Variants in PSEN2 observed in about 807,000 individuals in gnomAD.
The protein encoded by PSEN2 is presenilin-2.
Under a neutral mutation model 49.1 loss-of-function variants are expected in PSEN2, and 32 were observed. The observed-to-expected ratio is 0.65, with a 90% CI of 0.49 to 0.88. The LOEUF (loss-of-function observed/expected upper bound fraction) is 0.88, where lower values mean the gene tolerates loss of function less well. PSEN2 is among the 40% of genes least tolerant of loss of function. PSEN2 has a pLI of 0.00. For missense variants in PSEN2, 522 were observed against 586.9 expected (o/e 0.89, Z 1.14); for synonymous variants, 255 against 244.0 (o/e 1.05, Z -0.42).
Position 226,888,946 on chromosome 1 carries a change from G to A in PSEN2, c.684G>A (p.Gln228=). ...CIHWKGPLVL[Q]QAYLIMISAL... ...ACTGGAAGGGCCCTCTGGTGCTGCA[G>A]CAGGCCTACCTCATCATGATCAGTG... is the stretch of plus-strand genomic sequence containing the variant. The change falls in exon 8 of 13, where the codon CAG becomes CAA. Residue 228 remains glutamine, a synonymous_variant. Transcript: ENST00000366783. The A allele has an allele frequency of 6.2e-7, 1 of 1,614,234 alleles. No homozygotes were observed. The highest frequency in any genetic ancestry group is 8.5e-7 in the Non-Finnish European group (1 of 1,180,046).
At chr1:226,880,556 A>ACTCAGCCTCTGGACAGCGATCG in intron 3 of PSEN2, 2 of 1,577,026 alleles carry the variant, frequency 1.3e-6, no homozygotes, top group Non-Finnish European at 1.7e-6. Context: ...GACAGCGATC[A>ACTCAGCCTCTGGACAGCGATCG]CTCAGCCTCT....
intron 6 of PSEN2, among the ~76,000 whole-genome samples, chr1:226,887,811 C>T (rs1661461200): frequency 1.3e-5 from 2 of 152,254 alleles, no homozygotes; most frequent in South Asian, 4.1e-4. Context: ...CCCAGCATTA[C>T]CTTTCTAAGT....
intron 6 of PSEN2, among the ~76,000 whole-genome samples, chr1:226,886,081 C>T (rs1025314296): frequency 8.8e-5 from 13 of 147,544 alleles, no homozygotes; most frequent in African/African-American, 2.9e-4. Flanking sequence ...GTTGCCCAGG[C>T]TGGTCTCAAA....
intron 3 of PSEN2, among the ~76,000 whole-genome samples, chr1:226,878,935 G>T (rs1660803552): frequency 1.3e-5 from 2 of 152,216 alleles, no homozygotes; most frequent in Admixed American, 6.5e-5. Context: ...AGAGTGGATA[G>T]TGAGGGAAAC....
intron 8 of PSEN2, 118 bp downstream of exon 8, chr1:226,889,167 T>C (rs960963462): frequency 7.6e-6 from 7 of 926,758 alleles, no homozygotes; most frequent in Non-Finnish European, 1.2e-5. Context: ...TGCAGAGGCC[T>C]GGGTGGGATC....
At chr1:226,891,892 G>A (rs372224790) in intron 11 of PSEN2, 48 bp downstream of exon 11, 7 of 1,544,352 alleles carry the variant, frequency 4.5e-6, no homozygotes, top group African/African-American at 2.7e-5. Context: ...CGGCGGGAGC[G>A]GAGACAGAGG....
At chr1:226,901,234 G>T (rs959403945), downstream of PSEN2, among the ~76,000 whole-genome samples, 1 of 152,076 alleles carries the variant, frequency 6.6e-6, no homozygotes, top group Non-Finnish European at 1.5e-5. Context: ...TCAGGAGTTC[G>T]AGACCAGCCT....
intron 12 of PSEN2, among the ~76,000 whole-genome samples, chr1:226,894,743 C>T (rs1662012667): frequency 1.3e-5 from 2 of 152,196 alleles, no homozygotes; most frequent in African/African-American, 4.8e-5. Context: ...GTGCGCTTGG[C>T]ATCTGCCCCT....
intron 2 of PSEN2, among the ~76,000 whole-genome samples, chr1:226,873,376 T>G (rs188721291): frequency 7.9e-5 from 12 of 152,290 alleles, no homozygotes. Flanking sequence ...TGGACTCTTT[T>G]TAAAATAAAA....
intron 3 of PSEN2, among the ~76,000 whole-genome samples, chr1:226,877,836 T>G (rs919182792): frequency 6.6e-6 from 1 of 152,158 alleles, no homozygotes; most frequent in African/African-American, 2.4e-5. Context: ...CCTTGTTTCT[T>G]CCTGAAGACA....
rs751593722 is a variant in PSEN2 at position 226,882,041 on chromosome 1, C to T, written c.134C>T (p.Ala45Val). 6.8e-6 allele frequency: 11 copies of T among 1,613,830 alleles called. No homozygotes were observed. The highest frequency in any genetic ancestry group is 9.3e-6 in the Non-Finnish European group (11 of 1,180,030). The change falls in exon 4 of 13, where the codon GCC becomes GTC. Residue 45 changes from alanine (A) to valine (V), a missense_variant. Transcript: ENST00000366783. ...GGCCCAGAGGATGGAGAGAACACTG[C>T]CCAGTGGGTAGGTCCCACCAGCAGC... ...RQGPEDGENTAQWRSQENEED... is the reference protein window; with the variant it reads ...RQGPEDGENTVQWRSQENEED...
intron 1 of PSEN2, 181 bp from the exon 2 acceptor site, chr1:226,871,081 T>TC (rs1660252511): frequency 6.6e-6 from 1 of 152,280 alleles, no homozygotes; most frequent in Admixed American, 6.5e-5. Flanking sequence ...GTTTTGTTCT[T>TC]CTTCTCTCTC....
chr1:226,888,561 G>C (rs1427817402), intron 7 of PSEN2, among the ~76,000 whole-genome samples: 1 of 152,226 alleles, frequency 6.6e-6, no homozygotes, highest in Non-Finnish European at 1.5e-5. Context: ...GGCCCAAAGA[G>C]ACTGGGAGGA....
At chr1:226,872,810 G>A (rs1280965500) in intron 2 of PSEN2, among the ~76,000 whole-genome samples, 3 of 152,158 alleles carry the variant, frequency 2.0e-5, no homozygotes, top group Non-Finnish European at 2.9e-5. Context: ...AGGCTGAGAG[G>A]CCCCGAGAGG....
At chr1:226,885,517 G>C (rs199882991) in intron 5 of PSEN2, 21 bp from the exon 6 acceptor site, 2 of 1,612,922 alleles carry the variant, frequency 1.2e-6, no homozygotes, top group Non-Finnish European at 1.7e-6. Flanking sequence ...GGGAGCATCA[G>C]CCCTTTGCCT....
At chr1:226,892,949 T>C (rs1234994222) in intron 11 of PSEN2, among the ~76,000 whole-genome samples, 1 of 152,238 alleles carries the variant, frequency 6.6e-6, no homozygotes, top group Non-Finnish European at 1.5e-5. Context: ...CGTTTTGTTT[T>C]GGAGACAGGG....
intron 12 of PSEN2, 102 bp from the exon 13 acceptor site, chr1:226,895,322 T>G: frequency 7.3e-7 from 1 of 1,376,208 alleles, no homozygotes; most frequent in Non-Finnish European, 1.0e-6. Context: ...GTTATCCGAC[T>G]GGTCCTCGAA....
intron 6 of PSEN2, among the ~76,000 whole-genome samples, chr1:226,887,637 C>G (rs1423297165): frequency 6.6e-6 from 1 of 152,130 alleles, no homozygotes; most frequent in Non-Finnish European, 1.5e-5. Flanking sequence ...ATCACTGTAT[C>G]CTAACATTAT....
chr1:226,891,269 C>T lies in PSEN2; in HGVS notation c.887-9C>T. On this transcript the variant is annotated splice_polypyrimidine_tract_variant and intron_variant, in intron 9 of 12. Transcript: ENST00000366783. ...CCGCCTGAGATGTGAACCTTTTCTCCTCCCCCAGCTGCCATGGTGTGGACG... is the reference window on the plus strand; with the variant it reads ...CCGCCTGAGATGTGAACCTTTTCTCTTCCCCCAGCTGCCATGGTGTGGACG... The T allele has an allele frequency of 1.2e-6, 2 of 1,613,232 alleles. No homozygotes were observed. Among genetic ancestry groups the T allele is most frequent in the African/African-American group, 2.7e-5 (2 of 75,002 alleles).
Sources: gnomAD v4.1 joint callset for allele counts (sites outside exome capture counted in the v4.1 genomes callset) on GRCh38, gnomAD v4.1.1 for gene constraint, MANE v1.5 for transcripts, NCBI Gene and HGNC (gene_info 2026-07-23, HGNC 2026-07-21) for gene names.